ZNF106: variants seen among roughly 807,000 people sequenced by gnomAD.
ZNF106 encodes SH3-domain binding protein 3.
A neutral mutation model predicts 195.1 loss-of-function variants in ZNF106; 67 were observed. The observed-to-expected ratio is 0.34, with a 90% CI of 0.28 to 0.42. The LOEUF (loss-of-function observed/expected upper bound fraction) is 0.42. Ranked by LOEUF, ZNF106 falls within the 10% of genes least tolerant of loss-of-function variation. The probability of loss-of-function intolerance (pLI) is 1.00; values close to 1 mark genes in which losing one functional copy is unlikely to be tolerated. For missense variants in ZNF106, 2,118 were observed against 2,304.5 expected, an observed-to-expected ratio of 0.92 and a Z score of 1.66; for synonymous variants, 784 against 818.6, an observed-to-expected ratio of 0.96 and a Z score of 0.72.
intron 4 of ZNF106, among the ~76,000 whole-genome samples, chr15:42,455,634 G>T (rs915293988): frequency 1.3e-5 from 2 of 152,038 alleles, no homozygotes; most frequent in Admixed American, 1.3e-4. Context: ...CCCTGGCCTC[G>T]TCTCCTCATG....
rs548952894 is a variant in ZNF106, at chr15:42,454,184, C to T, written c.318-2230G>A. On this transcript the variant is annotated intron_variant, in intron 4 of 21. Coordinates refer to ENST00000564754, the MANE Select transcript of ZNF106 (RefSeq NM_001366845.3). ...TTTGGACACAAATTGGAACTTCTTC[C>T]TTTTTCACAAGACGGAATTTAAAAG... is the stretch of plus-strand genomic sequence containing the variant. 8.3e-4 allele frequency among the ~76,000 whole-genome samples: 127 copies of T among 152,260 alleles called. 4 individuals carry two copies. In the South Asian group the frequency reaches 0.026, roughly 31 times the overall value.
intron 3 of ZNF106, among the ~76,000 whole-genome samples, chr15:42,462,991 G>A (rs1413182058): frequency 6.6e-6 from 1 of 151,332 alleles, no homozygotes; most frequent in Non-Finnish European, 1.5e-5. Context: ...AGAGACAGGG[G>A]TCCCACTATG....
chr15:42,443,905 G>A (rs1203125608), intron 9 of ZNF106, among the ~76,000 whole-genome samples: 1 of 151,840 alleles, frequency 6.6e-6, no homozygotes. Context: ...TCAGGAGTTC[G>A]AGACCAGTCT....
chr15:42,431,805 G>C (rs2055056066), intron 14 of ZNF106, among the ~76,000 whole-genome samples: 1 of 151,920 alleles, frequency 6.6e-6, no homozygotes, highest in African/African-American at 2.4e-5. Context: ...GTAGAGATGT[G>C]GTTTCGCCAT....
chr15:42,456,813 G>A, intron 4 of ZNF106, 145 bp downstream of exon 4: 1 of 721,794 alleles, frequency 1.4e-6, no homozygotes, highest in South Asian at 2.0e-5. Context: ...ACATTCCATT[G>A]CCCTTTGATT....
In ZNF106 at chr15:42,451,902, G is replaced by C. The variant is rs142950277; in HGVS notation, c.370C>G (p.Pro124Ala). 10 of 1,613,972 alleles carry C rather than the reference G, an allele frequency of 6.2e-6. No individual in the cohort carries two copies. In the African/African-American group the frequency reaches 1.2e-4, roughly 19 times the overall value. ...NQEINSDDRRPQWRREDRIPY... is the reference protein window; with the variant it reads ...NQEINSDDRRAQWRREDRIPY... The stretch of plus-strand genomic sequence containing the variant: ...ATTCGGTCTTCTCGTCTCCATTGGG[G>C]TCGTCTGTCATCAGAGTTTATTTCT... The change falls in exon 5 of 22, where the codon CCC becomes GCC. Residue 124 changes from proline to alanine, a missense_variant. Coordinates refer to ENST00000564754, the MANE Select transcript of ZNF106 (RefSeq NM_001366845.3).
At chr15:42,432,671 T>C (rs1567001613) in intron 14 of ZNF106, among the ~76,000 whole-genome samples, 1 of 149,998 alleles carries the variant, frequency 6.7e-6, no homozygotes, top group Non-Finnish European at 1.5e-5. Context: ...CCAGGAGCTT[T>C]AGAATAGCCT....
At position 42,438,597 on chromosome 15, in the gene ZNF106, C is replaced by G. The variant is rs767958205; in HGVS notation, c.4600+15G>C. ...AATTCTGTGGTTAACTTAAATAAAA[C>G]TGAACAGCAAATACCTGAAGAATTC... On this transcript the variant is annotated intron_variant, in intron 12 of 21. Coordinates refer to ENST00000564754, the MANE Select transcript of ZNF106 (RefSeq NM_001366845.3). The G allele has an allele frequency of 1.2e-6, 2 of 1,609,900 alleles. No homozygotes were observed. Among genetic ancestry groups the G allele is most frequent in the Middle Eastern group, 1.7e-4 (1 of 6,046 alleles).
At chr15:42,465,114 T>G (rs969952128) in intron 3 of ZNF106, among the ~76,000 whole-genome samples, 6 of 152,234 alleles carry the variant, frequency 3.9e-5, no homozygotes, top group Admixed American at 1.3e-4. Flanking sequence ...TTGTCCAGGT[T>G]GGTCTTGAAC....
chr15:42,415,408 C>A lies in ZNF106; in HGVS notation c.*1896G>T, dbSNP rs1183499566. 1 of 454,426 alleles carries A rather than the reference C, an allele frequency of 2.2e-6. No individual in the cohort carries two copies. Among genetic ancestry groups the A allele is most frequent in the African/African-American group, 2.0e-5 (1 of 49,826 alleles). 28.1% of individuals were successfully genotyped at this position (454,426 alleles called of 1,614,324 possible). Reference sequence around the variant, plus strand: ...AAGAGCTGGGATTACAGGTGTGAGCCACCAGGCCCGGCCTCCTAGATTAAT... The same window carrying A: ...AAGAGCTGGGATTACAGGTGTGAGCAACCAGGCCCGGCCTCCTAGATTAAT... On this transcript the variant is annotated 3_prime_UTR_variant, in exon 22 of 22. Coordinates refer to ENST00000564754, the MANE Select transcript of ZNF106 (RefSeq NM_001366845.3).
At chr15:42,472,096 A>G (rs1186193784) in intron 2 of ZNF106, 140 bp downstream of exon 2, 3 of 834,436 alleles carry the variant, frequency 3.6e-6, no homozygotes, top group East Asian at 3.0e-5. Context: ...GGTTTAGGAA[A>G]GAAAAGAAGC....
chr15:42,464,436 CTT>C, intron 3 of ZNF106, among the ~76,000 whole-genome samples: 1 of 151,480 alleles, frequency 6.6e-6, no homozygotes, highest in Middle Eastern at 3.4e-3. Flanking sequence ...CTCCATCTAT[CTT>C]GTTTCCAAAC....
Position 42,415,797 on chromosome 15 carries a change from GCACGATCTCAGCTTAC to G in ZNF106, c.*1491_*1506del. ...TCTGTCACCAGGCTGGAGTGCAGTG[GCACGATCTCAGCTTAC>G]TGCAATCTCTGCCTCCCGGGTTCAA... On this transcript the variant is annotated 3_prime_UTR_variant, in exon 22 of 22. Coordinates refer to ENST00000564754, the MANE Select transcript of ZNF106 (RefSeq NM_001366845.3). 2 of 164,222 alleles carry G rather than the reference GCACGATCTCAGCTTAC, an allele frequency of 1.2e-5. No homozygotes were observed. The highest frequency in any genetic ancestry group is 2.6e-5 in the Non-Finnish European group (2 of 76,100). The allele number at this position is 164,222 out of a possible 1,614,324, so 10.2% of individuals were successfully genotyped here. A position where few individuals can be genotyped will look rare whatever the true frequency, so the allele number is the denominator to read the frequency against.
chr15:42,461,758 A>AG (rs1755789181), intron 3 of ZNF106, among the ~76,000 whole-genome samples: 1 of 152,228 alleles, frequency 6.6e-6, no homozygotes, highest in African/African-American at 2.4e-5. Context: ...AGAGAAAAAG[A>AG]AAGTCTCAGT....
chr15:42,470,641 A>G (rs1477337537), intron 2 of ZNF106, among the ~76,000 whole-genome samples: 1 of 152,188 alleles, frequency 6.6e-6, no homozygotes, highest in African/African-American at 2.4e-5. Context: ...TATGTTTGAA[A>G]CCAGAGTAGC....
At chr15:42,417,612 G>T (rs576086357) in intron 21 of ZNF106, among the ~76,000 whole-genome samples, 193 bp downstream of exon 21, 2 of 151,986 alleles carry the variant, frequency 1.3e-5, no homozygotes, top group Non-Finnish European at 1.5e-5. Flanking sequence ...TTCTCTTTAG[G>T]CCCTTTCTCA....
intron 1 of ZNF106, among the ~76,000 whole-genome samples, chr15:42,489,076 TA>T (rs772748401): frequency 1.2e-3 from 130 of 108,870 alleles, no homozygotes; most frequent in Admixed American, 1.4e-3. Context: ...AGGCTCTCTC[TA>T]AAAAAAAAAA....
chr15:42,424,016 G>C lies in ZNF106; in HGVS notation c.5235C>G (p.Val1745=), dbSNP rs2054764439. The C allele has an allele frequency of 1.2e-6, 2 of 1,612,850 alleles. No individual in the cohort carries two copies. The highest frequency in any genetic ancestry group is 1.3e-5 in the African/African-American group (1 of 74,950). ...AGCTTACGTGAATGTTGTGAGCATG[G>C]ACTGACTGATCACTGGAGCCACTGA... ...LVFSGSSDQS[V]HAHNIHTGEL... Residue 1745 remains valine, a synonymous_variant, in exon 17 of 22, where the codon GTC becomes GTG. Coordinates refer to ENST00000564754, the MANE Select transcript of ZNF106 (RefSeq NM_001366845.3).
chr15:42,421,894 C>A, intron 19 of ZNF106, 23 bp downstream of exon 19: 1 of 1,510,256 alleles, frequency 6.6e-7, no homozygotes, highest in Non-Finnish European at 8.9e-7. Flanking sequence ...AAGCAAATAT[C>A]TTACATGACA....
Sources: allele counts gnomAD v4.1 joint callset (sites outside exome capture counted in the v4.1 genomes callset), GRCh38; gene constraint gnomAD v4.1.1; transcripts MANE v1.5; gene names NCBI Gene and HGNC (gene_info 2026-07-23, HGNC 2026-07-21).